Variants in SLCO3A1 observed in about 807,000 individuals in gnomAD.
The protein encoded by SLCO3A1 is PGE1 transporter.
In SLCO3A1, 27 loss-of-function variants were observed where a neutral mutation model predicts 63.1. That is an observed-to-expected ratio of 0.43 (90% CI 0.32 to 0.59). SLCO3A1 has a LOEUF of 0.59. Ranked by LOEUF, SLCO3A1 falls within the 20% of genes least tolerant of loss-of-function variation. The pLI is 0.09. For missense variants in SLCO3A1, 773 were observed against 945.8 expected, an observed-to-expected ratio of 0.82 and a Z score of 2.40; for synonymous variants, 473 against 409.9, an observed-to-expected ratio of 1.15 and a Z score of -1.86.
At chr15:92,013,227 T>C (rs891312123) in intron 2 of SLCO3A1, among the ~76,000 whole-genome samples, 15 of 152,362 alleles carry the variant, frequency 9.8e-5, no homozygotes, top group African/African-American at 3.6e-4. Context: ...AATGTGAACT[T>C]GGACTCTAAT....
At chr15:92,148,257 A>G (rs2048256293) in intron 8 of SLCO3A1, among the ~76,000 whole-genome samples, 1 of 152,226 alleles carries the variant, frequency 6.6e-6, no homozygotes, top group South Asian at 2.1e-4. Flanking sequence ...GCAGTTATCC[A>G]AGTGAACAGA....
At chr15:92,022,853 G>T (rs2046527276) in intron 2 of SLCO3A1, among the ~76,000 whole-genome samples, 1 of 149,350 alleles carries the variant, frequency 6.7e-6, no homozygotes, top group South Asian at 2.1e-4. Flanking sequence ...GGGCAGAAAA[G>T]GCAGGGGCAC....
At chr15:92,130,815 A>G (rs1046668176) in intron 7 of SLCO3A1, among the ~76,000 whole-genome samples, 9 of 143,376 alleles carry the variant, frequency 6.3e-5, no homozygotes, top group Admixed American at 2.2e-4. Context: ...AATGGTGGCT[A>G]TATTCCTGGT....
intron 2 of SLCO3A1, among the ~76,000 whole-genome samples, chr15:91,944,020 G>A (rs7179615): frequency 0.68 from 103,638 of 152,062 alleles, 35,893 homozygotes; most frequent in East Asian, 0.97. Context: ...ACTTTTGAGC[G>A]TGCCATTTGC....
At chr15:91,975,950 C>T (rs535283913) in intron 2 of SLCO3A1, among the ~76,000 whole-genome samples, 1 of 152,332 alleles carries the variant, frequency 6.6e-6, no homozygotes, top group East Asian at 1.9e-4. Context: ...TTGTCTATAA[C>T]CCCTGGGGTA....
At chr15:92,060,151 T>C (rs534523856) in intron 2 of SLCO3A1, among the ~76,000 whole-genome samples, 1 of 152,210 alleles carries the variant, frequency 6.6e-6, no homozygotes, top group Non-Finnish European at 1.5e-5. Flanking sequence ...GAAGTTGCTC[T>C]GGGTGAGTCA....
chr15:92,154,476 C>T (rs1293248945), intron 9 of SLCO3A1, among the ~76,000 whole-genome samples: 4 of 152,136 alleles, frequency 2.6e-5, no homozygotes, highest in Admixed American at 2.0e-4. Flanking sequence ...TTAGTTTTCA[C>T]ATAAGTAGGT....
chr15:92,060,504 GT>G (rs748865613), intron 2 of SLCO3A1, among the ~76,000 whole-genome samples: 79 of 143,200 alleles, frequency 5.5e-4, no homozygotes, highest in African/African-American at 7.1e-4. Context: ...AGTGAGCCGA[GT>G]TTTTTTTTTT....
rs2048473097 is a variant in SLCO3A1, at chr15:92,164,096, A to G, written c.*961A>G. ...GTTGTATGTATAATCCTCTAATACT[A>G]TTTTTAACTACTTCTAAAATCTGTG... On this transcript the variant is annotated 3_prime_UTR_variant, in exon 10 of 10. Coordinates refer to ENST00000318445, the MANE Select transcript of SLCO3A1 (RefSeq NM_013272.4). 1 of 979,580 alleles carries G rather than the reference A, an allele frequency of 1.0e-6. No homozygotes were observed. Among genetic ancestry groups the G allele is most frequent in the African/African-American group, 1.8e-5 (1 of 57,090 alleles). The allele number at this position is 979,580 out of a possible 1,614,324, so 60.7% of individuals were successfully genotyped here.
chr15:91,914,610 C>T (rs1898593663), intron 1 of SLCO3A1, among the ~76,000 whole-genome samples: 1 of 143,376 alleles, frequency 7.0e-6, no homozygotes, highest in East Asian at 2.1e-4. Context: ...CGCTCTGTTG[C>T]CCAAACTGGA....
rs187849120 is a variant in SLCO3A1, at chr15:91,916,947, A to G, written c.646+489A>G. 4.1e-4 allele frequency among the ~76,000 whole-genome samples: 63 copies of G among 152,328 alleles called. No homozygotes were observed. Among genetic ancestry groups the G allele is most frequent in the Non-Finnish European group, 2.4e-4 (16 of 68,036 alleles). ...TTGGTGACTTCCGGTAATTTTTTCA[A>G]TAATGGAAGTATGCATGGGAATTGG... On this transcript the variant is annotated intron_variant, in intron 2 of 9. Coordinates refer to ENST00000318445, the MANE Select transcript of SLCO3A1 (RefSeq NM_013272.4). The surrounding 1 kb of genome is among the most constrained non-coding windows in gnomAD (Gnocchi z 6.2).
intron 2 of SLCO3A1, among the ~76,000 whole-genome samples, chr15:91,981,484 C>T (rs1185671487): frequency 1.3e-5 from 2 of 152,198 alleles, no homozygotes; most frequent in African/African-American, 4.8e-5. Flanking sequence ...GTTTTCCCAC[C>T]TCATGGCTTT....
chr15:92,003,733 C>T (rs1335216146), intron 2 of SLCO3A1, among the ~76,000 whole-genome samples: 1 of 152,144 alleles, frequency 6.6e-6, no homozygotes, highest in African/African-American at 2.4e-5. Flanking sequence ...CAGTTAGTTC[C>T]CCATGGAATT....
intron 4 of SLCO3A1, among the ~76,000 whole-genome samples, chr15:92,110,483 C>T (rs1159629498): frequency 6.6e-6 from 1 of 152,148 alleles, no homozygotes; most frequent in Non-Finnish European, 1.5e-5. Context: ...CCCTCCACGC[C>T]CACCTCACTG....
intron 4 of SLCO3A1, 74 bp downstream of exon 4, chr15:92,104,616 C>T: frequency 1.4e-6 from 2 of 1,480,556 alleles, no homozygotes; most frequent in East Asian, 2.4e-5. Flanking sequence ...GAAGGGGTGG[C>T]ACCCAGGACT....
chr15:92,003,748 G>T (rs2046282108), intron 2 of SLCO3A1, among the ~76,000 whole-genome samples: 1 of 152,208 alleles, frequency 6.6e-6, no homozygotes, highest in Non-Finnish European at 1.5e-5. Flanking sequence ...GGAATTCATG[G>T]ATACGGGGCC....
At chr15:91,981,612 T>A (rs1357585162) in intron 2 of SLCO3A1, among the ~76,000 whole-genome samples, 1 of 152,110 alleles carries the variant, frequency 6.6e-6, no homozygotes, top group African/African-American at 2.4e-5. Flanking sequence ...TAAACAAGGA[T>A]TTTTTCGGAA....
intron 8 of SLCO3A1, among the ~76,000 whole-genome samples, chr15:92,148,202 ACT>A (rs1401971432): frequency 1.3e-5 from 2 of 152,232 alleles, no homozygotes; most frequent in African/African-American, 2.4e-5. Flanking sequence ...ACAGAGCAAG[ACT>A]CTGTCTCAGA....
At chr15:91,944,842 T>C (rs1899748777) in intron 2 of SLCO3A1, among the ~76,000 whole-genome samples, 1 of 152,134 alleles carries the variant, frequency 6.6e-6, no homozygotes, top group South Asian at 2.1e-4. Flanking sequence ...TCTCTCCCCC[T>C]CTTTTTTTGG....
Sources: gnomAD v4.1 joint callset for allele counts (sites outside exome capture counted in the v4.1 genomes callset) on GRCh38, gnomAD v4.1.1 for gene constraint, Gnocchi (gnomAD v3.1) non-coding constraint, MANE v1.5 for transcripts, NCBI Gene and HGNC (gene_info 2026-07-23, HGNC 2026-07-21) for gene names.